SOX6: variants seen among roughly 807,000 people sequenced by gnomAD.
SOX6 encodes transcription factor SOX-6.
A neutral mutation model predicts 97.8 loss-of-function variants in SOX6; 11 were observed. The observed-to-expected ratio is 0.11, with a 90% CI of 0.07 to 0.19. The LOEUF is 0.19. Among genes scored for constraint, SOX6 ranks in the 10% least tolerant of loss-of-function variants. The pLI is 1.00. For missense variants in SOX6, 810 were observed against 1,039.5 expected (o/e 0.78, Z 3.04); for synonymous variants, 360 against 371.4 (o/e 0.97, Z 0.35).
intron 3 of SOX6, among the ~76,000 whole-genome samples, chr11:16,639,270 A>C (rs374899730): frequency 1.3e-5 from 2 of 152,036 alleles, no homozygotes; most frequent in East Asian, 1.9e-4. Context: ...TTCCATTGGT[A>C]TATATCTCTG....
chr11:16,280,076 C>T (rs1035037568), intron 3 of SOX6, among the ~76,000 whole-genome samples: 2 of 152,010 alleles, frequency 1.3e-5, no homozygotes, highest in African/African-American at 4.8e-5. Flanking sequence ...TCAAAAAAGG[C>T]CATTTCTTTC....
intron 6 of SOX6, among the ~76,000 whole-genome samples, chr11:16,143,524 G>C (rs896285052): frequency 6.6e-6 from 1 of 152,094 alleles, no homozygotes; most frequent in Non-Finnish European, 1.5e-5. Context: ...ATGTAAATGG[G>C]CTAAAAGCTC....
intron 4 of SOX6, among the ~76,000 whole-genome samples, chr11:16,584,724 C>T (rs979681472): frequency 1.3e-5 from 2 of 152,170 alleles, no homozygotes; most frequent in African/African-American, 4.8e-5. Context: ...CCTCCTGAGA[C>T]ACTGGGGTCC....
chr11:16,551,416 T>A (rs1373014601), intron 4 of SOX6, among the ~76,000 whole-genome samples: 2 of 151,984 alleles, frequency 1.3e-5, no homozygotes, highest in East Asian at 1.9e-4. Flanking sequence ...GATAATTACA[T>A]TAAATAAAAA....
At chr11:16,653,530 C>G (rs532983111) in intron 3 of SOX6, among the ~76,000 whole-genome samples, 45 of 152,212 alleles carry the variant, frequency 3.0e-4, no homozygotes, top group African/African-American at 1.0e-3. Flanking sequence ...AATGGAAAAC[C>G]AAACATCGTA....
intron 4 of SOX6, among the ~76,000 whole-genome samples, chr11:16,508,563 G>T (rs978226776): frequency 7.2e-5 from 11 of 152,142 alleles, no homozygotes; most frequent in Admixed American, 5.2e-4. Flanking sequence ...ATTATGTTAA[G>T]TGAGATAAGC....
intron 3 of SOX6, among the ~76,000 whole-genome samples, chr11:16,652,224 G>A (rs1211340852): frequency 6.6e-6 from 1 of 151,912 alleles, no homozygotes; most frequent in Non-Finnish European, 1.5e-5. Context: ...TAGCATCAAA[G>A]TACCATCATT....
intron 4 of SOX6, among the ~76,000 whole-genome samples, chr11:16,554,515 T>C (rs1589983310): frequency 1.3e-5 from 2 of 152,118 alleles, no homozygotes; most frequent in African/African-American, 4.8e-5. Context: ...CTTCATGTTG[T>C]TCACATTAGG....
At chr11:16,494,794 C>T (rs1420683930) in intron 4 of SOX6, among the ~76,000 whole-genome samples, 1 of 152,074 alleles carries the variant, frequency 6.6e-6, no homozygotes, top group Non-Finnish European at 1.5e-5. Context: ...GTTCATATTC[C>T]CACAGTGAAC....
chr11:16,478,306 C>T (rs1860289476), upstream of SOX6, among the ~76,000 whole-genome samples: 1 of 152,192 alleles, frequency 6.6e-6, no homozygotes, highest in Non-Finnish European at 1.5e-5. Flanking sequence ...TATTCCTTCA[C>T]TTCCACATAA....
chr11:16,698,838 A>G lies in SOX6; in HGVS notation n.429+15992T>C, dbSNP rs1257420695. Among the ~76,000 whole-genome samples the G allele has an allele frequency of 3.9e-5, 6 of 152,320 alleles. No homozygotes were observed. The East Asian group carries it at 1.2e-3, about 29-fold the overall frequency. On this transcript the variant is annotated intron_variant and non_coding_transcript_variant, in intron 3 of 5. Coordinates refer to the SOX6 transcript ENST00000524520. The stretch of plus-strand genomic sequence containing the variant: ...TTATCAATTAGGTTCATTGTCATTT[A>G]TGGGAGAGGTTTGTGGCACTCCAAA...
At chr11:16,054,598 A>G (rs1188809512) in intron 10 of SOX6, among the ~76,000 whole-genome samples, 1 of 152,172 alleles carries the variant, frequency 6.6e-6, no homozygotes, top group Admixed American at 6.5e-5. Flanking sequence ...TGGAATCTCA[A>G]AATTCCCATA....
chr11:16,291,262 TATATATATATATATAC>T (rs1854905126), intron 3 of SOX6, among the ~76,000 whole-genome samples: 6 of 42,282 alleles, frequency 1.4e-4, no homozygotes, highest in African/African-American at 5.1e-4. Context: ...TATATATATA[TATATATATATATATAC>T]GAGGTGTTGT....
At chr11:16,424,906 A>G (rs1859094615) in intron 1 of SOX6, among the ~76,000 whole-genome samples, 1 of 152,240 alleles carries the variant, frequency 6.6e-6, no homozygotes, top group Admixed American at 6.5e-5. Flanking sequence ...AGGACATCAG[A>G]AAGATACATT....
intron 3 of SOX6, among the ~76,000 whole-genome samples, chr11:16,711,534 C>A (rs573356217): frequency 3.9e-5 from 6 of 152,054 alleles, no homozygotes; most frequent in Non-Finnish European, 7.4e-5. Context: ...AAAAGAAAAC[C>A]CTACAATGGT....
chr11:16,585,116 T>G (rs1020996299), intron 4 of SOX6, among the ~76,000 whole-genome samples: 2 of 152,236 alleles, frequency 1.3e-5, no homozygotes, highest in African/African-American at 4.8e-5. Context: ...TCAAAGTACC[T>G]ATTACTACAG....
chr11:16,223,372 A>G (rs913970873), intron 4 of SOX6, among the ~76,000 whole-genome samples: 6 of 152,140 alleles, frequency 3.9e-5, no homozygotes, highest in African/African-American at 1.2e-4. Context: ...GACTAAATTT[A>G]CCACCCCAAA....
At chr11:16,269,598 T>G (rs1373509316) in intron 3 of SOX6, among the ~76,000 whole-genome samples, 1 of 150,974 alleles carries the variant, frequency 6.6e-6, no homozygotes, top group African/African-American at 2.4e-5. Context: ...TTTGTTCAGA[T>G]GTACTACTGT....
chr11:16,583,351 C>T (rs1336857397), intron 4 of SOX6, among the ~76,000 whole-genome samples: 1 of 151,370 alleles, frequency 6.6e-6, no homozygotes. Context: ...GCTATAGTCA[C>T]CATGCAGTGC....
Sources: allele counts gnomAD v4.1 joint callset (sites outside exome capture counted in the v4.1 genomes callset), GRCh38; gene constraint gnomAD v4.1.1; transcripts MANE v1.5; gene names NCBI Gene and HGNC (gene_info 2026-07-23, HGNC 2026-07-21).